The following MALRD1 variants were observed in gnomAD, a reference collection of about 807,000 sequenced individuals.
The protein encoded by MALRD1 is MAM and LDL receptor class A domain containing 1.
A neutral mutation model predicts 242.1 loss-of-function variants in MALRD1; 247 were observed. That is an observed-to-expected ratio of 1.02 (90% CI 0.92 to 1.13). The LOEUF is 1.13. MALRD1 is among the 50% of genes most tolerant of loss of function. MALRD1 has a pLI of 0.00. For missense variants in MALRD1, 2,989 were observed against 2,533.1 expected (o/e 1.18, Z -3.86); for synonymous variants, 995 against 866.6 (o/e 1.15, Z -2.60).
At chr10:19,199,787 C>A (rs1227105115) in intron 14 of MALRD1, among the ~76,000 whole-genome samples, 1 of 148,704 alleles carries the variant, frequency 6.7e-6, no homozygotes, top group Admixed American at 6.7e-5. Context: ...GGGTATAGAG[C>A]AAGACTCTGT....
intron 28 of MALRD1, among the ~76,000 whole-genome samples, chr10:19,423,429 T>C (rs903071417): frequency 5.3e-5 from 8 of 152,012 alleles, no homozygotes; most frequent in African/African-American, 1.7e-4. Flanking sequence ...GATAGGTAGA[T>C]TAATCTGGTA....
chr10:19,310,471 A>ACC (rs1162850784), intron 21 of MALRD1, among the ~76,000 whole-genome samples: 1 of 151,584 alleles, frequency 6.6e-6, no homozygotes, highest in East Asian at 1.9e-4. Context: ...GATAAAGAGG[A>ACC]CCATTAGCTT....
At chr10:19,163,136 CTAAAAAAAA>C (rs1358197913) in intron 12 of MALRD1, among the ~76,000 whole-genome samples, 24 of 36,918 alleles carry the variant, frequency 6.5e-4, no homozygotes, top group Non-Finnish European at 7.9e-4. Context: ...GAAACCCTGT[CTAAAAAAAA>C]AAAAAAAAAA....
intron 7 of MALRD1, among the ~76,000 whole-genome samples, chr10:19,125,232 C>T (rs1480715787): frequency 6.6e-6 from 1 of 151,964 alleles, no homozygotes; most frequent in East Asian, 1.9e-4. Context: ...AGGTTTGAGC[C>T]ATCATGCCCG....
intron 38 of MALRD1, chr10:19,716,745 A>G (rs537231476): frequency 6.6e-6 from 1 of 152,282 alleles, no homozygotes; most frequent in East Asian, 1.9e-4. Flanking sequence ...GAATTTTTGA[A>G]CTGTTACATT....
At chr10:19,367,679 C>A (rs112407492) in intron 26 of MALRD1, among the ~76,000 whole-genome samples, 16 of 152,192 alleles carry the variant, frequency 1.1e-4, no homozygotes, top group South Asian at 2.1e-4. Context: ...TTTGAGAAAC[C>A]TCCATACTGT....
chr10:19,503,054 TA>T lies in MALRD1; in HGVS notation c.5320+4416del, dbSNP rs1278397648. ...ATACAAGCAATGTTGTCTGCAGATT[TA>T]AAAAAAAGCAGTAATTCTGACAGAA... On this transcript the variant is annotated intron_variant, in intron 31 of 39. Coordinates refer to ENST00000454679, the MANE Select transcript of MALRD1 (RefSeq NM_001142308.3). 3.3e-5 allele frequency among the ~76,000 whole-genome samples: 5 copies of T among 151,972 alleles called. No individual in the cohort carries two copies. The East Asian group carries it at 7.7e-4, about 23-fold the overall frequency.
intron 28 of MALRD1, among the ~76,000 whole-genome samples, chr10:19,446,881 G>A (rs964794556): frequency 6.6e-6 from 1 of 152,116 alleles, no homozygotes; most frequent in East Asian, 1.9e-4. Context: ...TCCCTCAGCA[G>A]TGGCAAAATT....
intron 1 of MALRD1, among the ~76,000 whole-genome samples, chr10:19,059,489 C>T (rs186654996): frequency 2.6e-5 from 4 of 152,120 alleles, no homozygotes; most frequent in East Asian, 1.9e-4. Context: ...CCGGTTCAAG[C>T]GATTCTCCTG....
intron 28 of MALRD1, among the ~76,000 whole-genome samples, chr10:19,435,527 T>A (rs1317073623): frequency 6.6e-6 from 1 of 152,118 alleles, no homozygotes; most frequent in Non-Finnish European, 1.5e-5. Flanking sequence ...TGATCAGGTA[T>A]TTTTTAGAAT....
At chr10:19,198,215 C>A (rs1205112789) in intron 14 of MALRD1, among the ~76,000 whole-genome samples, 1 of 152,162 alleles carries the variant, frequency 6.6e-6, no homozygotes, top group Admixed American at 6.6e-5. Context: ...TTCATGGATG[C>A]TGACACAAGA....
chr10:19,671,125 G>A (rs181163975), intron 36 of MALRD1, among the ~76,000 whole-genome samples: 110 of 152,036 alleles, frequency 7.2e-4, no homozygotes, highest in Admixed American at 2.6e-3. Flanking sequence ...TTTTCTAAAA[G>A]ATATTTTAGC....
At chr10:19,265,971 T>A (rs538790805) in intron 19 of MALRD1, among the ~76,000 whole-genome samples, 17 of 152,034 alleles carry the variant, frequency 1.1e-4, no homozygotes, top group African/African-American at 4.1e-4. Flanking sequence ...TAATGACTTT[T>A]TGTCTCTTTT....
intron 38 of MALRD1, among the ~76,000 whole-genome samples, chr10:19,708,340 C>CTTTTTTTTTTTTT (rs545136011): frequency 3.9e-5 from 3 of 76,088 alleles, no homozygotes; most frequent in Non-Finnish European, 5.7e-5. Flanking sequence ...TTTTCTTTTT[C>CTTTTTTTTTTTTT]TTTTTTTTTT....
intron 24 of MALRD1, among the ~76,000 whole-genome samples, chr10:19,344,283 T>C (rs905480823): frequency 6.6e-6 from 1 of 152,132 alleles, no homozygotes; most frequent in Non-Finnish European, 1.5e-5. Flanking sequence ...AGTTGTATGA[T>C]ATTACATTTT....
chr10:19,555,136 A>G (rs757389048), intron 32 of MALRD1, among the ~76,000 whole-genome samples: 4 of 152,058 alleles, frequency 2.6e-5, no homozygotes, highest in Non-Finnish European at 5.9e-5. Context: ...AATTTCTTTA[A>G]TGATCAGTGA....
chr10:19,655,251 G>A (rs1471242627), intron 36 of MALRD1, among the ~76,000 whole-genome samples: 1 of 151,890 alleles, frequency 6.6e-6, no homozygotes, highest in Non-Finnish European at 1.5e-5. Context: ...GCAAATTGGA[G>A]ACTTTTTAAA....
chr10:19,597,189 G>T lies in MALRD1; in HGVS notation c.5944+1732G>T, dbSNP rs532052161. On this transcript the variant is annotated intron_variant, in intron 34 of 39. Coordinates refer to ENST00000454679, the MANE Select transcript of MALRD1 (RefSeq NM_001142308.3). ...TTAGAAACAAGGTAAGCAAATGGAG[G>T]TGAATAGAAAAGAGAAAGCCTGCCA... Among the ~76,000 whole-genome samples, 16 of 152,246 alleles carry T rather than the reference G, an allele frequency of 1.1e-4. No homozygotes were observed. The South Asian group carries it at 3.3e-3, about 32-fold the overall frequency.
At chr10:19,339,074 A>G (rs1385745367) in intron 24 of MALRD1, among the ~76,000 whole-genome samples, 4 of 151,882 alleles carry the variant, frequency 2.6e-5, no homozygotes, top group Non-Finnish European at 5.9e-5. Flanking sequence ...ACATACACAC[A>G]CACACATCCC....
Sources: allele counts gnomAD v4.1 joint callset (sites outside exome capture counted in the v4.1 genomes callset), GRCh38; gene constraint gnomAD v4.1.1; transcripts MANE v1.5; gene names NCBI Gene and HGNC (gene_info 2026-07-23, HGNC 2026-07-21).